The following ADK variants were observed in gnomAD, a reference collection of about 807,000 sequenced individuals.
The protein encoded by ADK is N6,N6-dimethyladenosine kinase.
In ADK, 24 loss-of-function variants were observed where a neutral mutation model predicts 44.7. The ratio of observed to expected loss-of-function variants is 0.54; its 90% CI spans 0.39 to 0.76. ADK has a LOEUF of 0.76. Ranked by LOEUF, ADK falls within the 30% of genes least tolerant of loss-of-function variation. The pLI is 0.00. For synonymous variants in ADK, 128 were observed against 142.6 expected, an observed-to-expected ratio of 0.90 and a Z score of 0.73; for missense variants, 321 against 425.1, an observed-to-expected ratio of 0.76 and a Z score of 2.15.
intron 10 of ADK, among the ~76,000 whole-genome samples, chr10:74,676,160 T>G (rs1347406088): frequency 6.6e-6 from 1 of 152,128 alleles, no homozygotes; most frequent in African/African-American, 2.4e-5. Flanking sequence ...GATGGAGTCT[T>G]GCTCTGTCGC....
At chr10:74,205,065 A>AAAT (rs1843540928) in intron 2 of ADK, among the ~76,000 whole-genome samples, 1 of 150,930 alleles carries the variant, frequency 6.6e-6, no homozygotes, top group African/African-American at 2.4e-5. Flanking sequence ...AAAAAAAAAA[A>AAAT]AAAATTAAAC....
intron 6 of ADK, among the ~76,000 whole-genome samples, chr10:74,425,250 G>C (rs1327287051): frequency 6.6e-6 from 1 of 152,176 alleles, no homozygotes; most frequent in African/African-American, 2.4e-5. Flanking sequence ...ATGAGGGTGG[G>C]CTTGTGGTTA....
chr10:74,560,734 C>T (rs1850431425), intron 7 of ADK, among the ~76,000 whole-genome samples: 1 of 152,166 alleles, frequency 6.6e-6, no homozygotes. Flanking sequence ...TTTCACCCAA[C>T]AGAAAAAATT....
chr10:74,541,792 A>ACCCCCCCC (rs1172991136), intron 7 of ADK, among the ~76,000 whole-genome samples: 1 of 28,840 alleles, frequency 3.5e-5, no homozygotes, highest in African/African-American at 1.3e-4. Flanking sequence ...GAACCCCCAC[A>ACCCCCCCC]CACCCCCCCC....
rs948933714 is a variant in ADK at position 74,213,854 on chromosome 10, G to A, written c.141-10684G>A. 4.6e-5 allele frequency among the ~76,000 whole-genome samples: 7 copies of A among 152,080 alleles called. No homozygotes were observed. In the East Asian group the frequency reaches 7.7e-4, roughly 17 times the overall value. ...ATGGGAGGTTGATATAACATGGGCC[G>A]GTTTTGCTGATGTGACCCAAGAGCT... On this transcript the variant is annotated intron_variant, in intron 2 of 10. Coordinates refer to ENST00000539909, the MANE Select transcript of ADK (RefSeq NM_006721.4).
intron 1 of ADK, among the ~76,000 whole-genome samples, chr10:74,152,267 T>C (rs1163647180): frequency 6.6e-6 from 1 of 152,230 alleles, no homozygotes; most frequent in Admixed American, 6.5e-5. Context: ...CCTGGTGGTG[T>C]GTTCATGCTG....
chr10:74,162,209 C>T (rs1166533132), intron 1 of ADK, among the ~76,000 whole-genome samples: 1 of 151,950 alleles, frequency 6.6e-6, no homozygotes, highest in Non-Finnish European at 1.5e-5. Context: ...TTAGTAGAGA[C>T]AGGGTTTCAC....
intron 3 of ADK, among the ~76,000 whole-genome samples, chr10:74,286,791 A>G (rs962064998): frequency 3.9e-5 from 6 of 152,254 alleles, no homozygotes; most frequent in African/African-American, 9.6e-5. Flanking sequence ...AATGATTCGC[A>G]TGTATTATCA....
chr10:74,598,424 A>G (rs1280923664), intron 8 of ADK, among the ~76,000 whole-genome samples: 1 of 150,050 alleles, frequency 6.7e-6, no homozygotes, highest in Admixed American at 6.6e-5. Context: ...GTAGAAAGCA[A>G]CCATGGAATC....
At chr10:74,535,584 T>A (rs1450772667) in intron 7 of ADK, among the ~76,000 whole-genome samples, 3 of 150,248 alleles carry the variant, frequency 2.0e-5, no homozygotes, top group African/African-American at 7.3e-5. Context: ...GACCCTATTT[T>A]TTTTTTTTTT....
intron 1 of ADK, among the ~76,000 whole-genome samples, chr10:74,188,981 C>T (rs970888235): frequency 1.3e-5 from 2 of 152,140 alleles, no homozygotes; most frequent in African/African-American, 2.4e-5. Flanking sequence ...CCATGTTGGC[C>T]AGGCTGGTCT....
At chr10:74,267,632 T>C (rs1846257792) in intron 3 of ADK, among the ~76,000 whole-genome samples, 1 of 152,106 alleles carries the variant, frequency 6.6e-6, no homozygotes, top group South Asian at 2.1e-4. Flanking sequence ...TCTAAAAAGA[T>C]GTTGGTATGG....
chr10:74,569,967 G>C (rs2133851533), intron 7 of ADK, among the ~76,000 whole-genome samples: 1 of 152,242 alleles, frequency 6.6e-6, no homozygotes, highest in Non-Finnish European at 1.5e-5. Context: ...GTAAGGAAGG[G>C]ATCCAGTTTC....
At chr10:74,305,254 G>A (rs1246927197) in intron 3 of ADK, among the ~76,000 whole-genome samples, 2 of 152,160 alleles carry the variant, frequency 1.3e-5, no homozygotes, top group East Asian at 1.9e-4. Flanking sequence ...AGGGCCAGCC[G>A]TACTTGCCCC....
chr10:74,695,176 C>T (rs1856131572), intron 10 of ADK, among the ~76,000 whole-genome samples: 1 of 152,156 alleles, frequency 6.6e-6, no homozygotes. Flanking sequence ...TAAGACTAGT[C>T]TCTCCTATCA....
At chr10:74,278,384 A>C (rs939905476) in intron 3 of ADK, among the ~76,000 whole-genome samples, 53 of 151,340 alleles carry the variant, frequency 3.5e-4, no homozygotes, top group African/African-American at 5.6e-4. Flanking sequence ...AAAAAAAAAA[A>C]AACAACCCTA....
At chr10:74,391,639 C>G (rs1208289237) in intron 4 of ADK, among the ~76,000 whole-genome samples, 1 of 123,168 alleles carries the variant, frequency 8.1e-6, no homozygotes, top group Non-Finnish European at 1.7e-5. Context: ...TTCAGGAGTT[C>G]GAGGCAAGAA....
rs75607964 is a variant in ADK at position 74,418,944 on chromosome 10, G to T, written c.555+20365G>T. Among the ~76,000 whole-genome samples, 767 of 152,270 alleles carry T rather than the reference G, an allele frequency of 5.0e-3. 12 individuals are homozygous for T. Among genetic ancestry groups the T allele is most frequent in the African/African-American group, 0.017 (716 of 41,558 alleles). ...ATTGTTTGCATGGACTCTACTGATT[G>T]TGAACTCTGCCAGTAAGCACAATCA... is the stretch of plus-strand genomic sequence containing the variant. On this transcript the variant is annotated intron_variant, in intron 6 of 10. Coordinates refer to ENST00000539909, the MANE Select transcript of ADK (RefSeq NM_006721.4).
intron 6 of ADK, among the ~76,000 whole-genome samples, chr10:74,493,686 T>G (rs962804563): frequency 6.6e-6 from 1 of 152,012 alleles, no homozygotes; most frequent in Non-Finnish European, 1.5e-5. Context: ...ACATAACTCT[T>G]TAAAATATTA....
Sources: allele counts gnomAD v4.1 joint callset (sites outside exome capture counted in the v4.1 genomes callset), GRCh38; gene constraint gnomAD v4.1.1; transcripts MANE v1.5; gene names NCBI Gene and HGNC (gene_info 2026-07-23, HGNC 2026-07-21).